The following LIMS1 variants were observed in gnomAD, a reference collection of about 807,000 sequenced individuals.
The protein encoded by LIMS1 is LIM and senescent cell antigen-like-containing domain protein 1.
Under a neutral mutation model 44.1 loss-of-function variants are expected in LIMS1, and 18 were observed. That is an observed-to-expected ratio of 0.41 (90% CI 0.28 to 0.61). The LOEUF (loss-of-function observed/expected upper bound fraction) is 0.61. LIMS1 is among the 20% of genes least tolerant of loss of function. LIMS1 has a pLI of 0.32. For synonymous variants in LIMS1, 93 were observed against 149.1 expected, an observed-to-expected ratio of 0.62 and a Z score of 2.74; for missense variants, 201 against 422.0, an observed-to-expected ratio of 0.48 and a Z score of 4.59.
At chr2:108,684,893 T>C (rs778858108) in exon 10 of LIMS1, 2 of 152,096 alleles carry the variant, frequency 1.3e-5, no homozygotes, top group Non-Finnish European at 2.9e-5. Context: ...TTTATAACCA[T>C]GCTAATATCT....
At chr2:108,573,660 C>G (rs1375072242) in intron 1 of LIMS1, among the ~76,000 whole-genome samples, 4 of 152,176 alleles carry the variant, frequency 2.6e-5, no homozygotes, top group South Asian at 2.1e-4. Context: ...AGACAGAACT[C>G]TCTGTCTTCA....
intron 8 of LIMS1, chr2:108,678,443 C>T (rs1305450665): frequency 9.2e-6 from 2 of 217,926 alleles, no homozygotes; most frequent in Non-Finnish European, 1.8e-5. Flanking sequence ...ACTTACCACC[C>T]TTGTACTGTG....
At position 108,667,547 on chromosome 2, in the gene LIMS1, A is replaced by T. The variant is rs1207743446; in HGVS notation, c.193-3234A>T. The stretch of plus-strand genomic sequence containing the variant: ...TATTTTCAACCTTTTTTAAAAAAAA[A>T]AAAAATATATATATATATATATACT... On this transcript the variant is annotated intron_variant, in intron 2 of 9. Transcript: ENST00000544547. Among the ~76,000 whole-genome samples, 598 of 72,474 alleles carry T rather than the reference A, an allele frequency of 8.3e-3. 3 individuals are homozygous for T. Among genetic ancestry groups the T allele is most frequent in the African/African-American group, 0.024 (531 of 21,908 alleles). 47.5% of individuals were successfully genotyped at this position (72,474 alleles called of 152,430 possible).
At chr2:108,619,016 A>G (rs1688088589) in intron 1 of LIMS1, among the ~76,000 whole-genome samples, 1 of 151,962 alleles carries the variant, frequency 6.6e-6, no homozygotes, top group African/African-American at 2.4e-5. Context: ...TGGCTTGGTA[A>G]CTGTCCCTGT....
intron 2 of LIMS1, among the ~76,000 whole-genome samples, chr2:108,666,836 C>G (rs1691793093): frequency 6.6e-6 from 1 of 151,708 alleles, no homozygotes; most frequent in South Asian, 2.1e-4. Flanking sequence ...AAGGATATTA[C>G]AAAGGATACA....
intron 1 of LIMS1, among the ~76,000 whole-genome samples, chr2:108,567,626 C>T (rs1279737948): frequency 1.3e-5 from 2 of 152,088 alleles, no homozygotes; most frequent in Admixed American, 1.3e-4. Flanking sequence ...GGCTGGAGTG[C>T]AATGTCGTGA....
intron 1 of LIMS1, chr2:108,621,426 T>G: frequency 6.4e-7 from 1 of 1,551,136 alleles, no homozygotes; most frequent in Non-Finnish European, 8.7e-7. Context: ...GCCCCGATAG[T>G]TTGAGAGTAA....
Position 108,676,231 on chromosome 2 carries a change from A to G in LIMS1, c.681+203A>G, listed in dbSNP as rs532024997. The stretch of plus-strand genomic sequence containing the variant: ...ATTGACTTTGCTGACAGCTAAGAAT[A>G]TATAATGTACACTGCTTTTGTGAAT... On this transcript the variant is annotated intron_variant, in intron 6 of 9. Coordinates refer to ENST00000544547, the Ensembl canonical transcript of LIMS1. Among the ~76,000 whole-genome samples the G allele has an allele frequency of 3.3e-5, 5 of 152,360 alleles. No homozygotes were observed. The East Asian group carries it at 9.6e-4, about 29-fold the overall frequency.
intron 1 of LIMS1, among the ~76,000 whole-genome samples, chr2:108,644,806 T>C (rs1374379101): frequency 2.6e-5 from 4 of 151,886 alleles, no homozygotes; most frequent in Non-Finnish European, 5.9e-5. Context: ...AGAACATAAA[T>C]GGTCTGATGG....
chr2:108,598,623 G>A (rs1686843066), intron 1 of LIMS1, among the ~76,000 whole-genome samples: 1 of 152,206 alleles, frequency 6.6e-6, no homozygotes, highest in East Asian at 1.9e-4. Flanking sequence ...GTGGGAATGA[G>A]GCCCTGGCCA....
intron 1 of LIMS1, among the ~76,000 whole-genome samples, chr2:108,576,117 GTATT>G (rs1264382753): frequency 3.3e-5 from 5 of 152,160 alleles, no homozygotes; most frequent in African/African-American, 1.2e-4. Context: ...TAAGGTTTTA[GTATT>G]TATGTATGTG....
chr2:108,607,355 A>G, intron 1 of LIMS1: 1 of 1,134,022 alleles, frequency 8.8e-7, no homozygotes, highest in South Asian at 1.3e-5. Flanking sequence ...CATCACATAA[A>G]TAGTACATGT....
chr2:108,562,798 A>G (rs1442697065), intron 1 of LIMS1, among the ~76,000 whole-genome samples: 1 of 152,240 alleles, frequency 6.6e-6, no homozygotes, highest in Non-Finnish European at 1.5e-5. Context: ...AGTGTAGACA[A>G]AATAGCCTTC....
chr2:108,599,532 T>G (rs11886192), intron 1 of LIMS1, among the ~76,000 whole-genome samples: 1,848 of 152,302 alleles, frequency 0.012, 43 homozygotes, highest in African/African-American at 0.043. Context: ...TTTCTTTAGT[T>G]TATATCCCCA....
At chr2:108,585,608 G>A (rs566177591) in intron 1 of LIMS1, among the ~76,000 whole-genome samples, 3 of 152,216 alleles carry the variant, frequency 2.0e-5, no homozygotes, top group Non-Finnish European at 4.4e-5. Flanking sequence ...GAGAATGTGC[G>A]CAATGAGAGG....
chr2:108,594,958 A>C (rs1686590397), intron 1 of LIMS1, among the ~76,000 whole-genome samples: 1 of 152,154 alleles, frequency 6.6e-6, no homozygotes. Flanking sequence ...GAAGTCATTG[A>C]GAGGAATTAT....
chr2:108,638,781 C>T (rs767106646), intron 1 of LIMS1, among the ~76,000 whole-genome samples: 15 of 152,060 alleles, frequency 9.9e-5, no homozygotes, highest in East Asian at 3.9e-4. Flanking sequence ...CGGTGGCTCA[C>T]GCCTGTAATC....
chr2:108,676,087 A>T (rs1692542130), intron 6 of LIMS1, 59 bp downstream of exon 6: 1 of 1,521,022 alleles, frequency 6.6e-7, no homozygotes, highest in Non-Finnish European at 8.8e-7. Flanking sequence ...TTAAGGGGTA[A>T]CCAATACTTT....
At chr2:108,553,198 A>G (rs1010220639) in intron 1 of LIMS1, among the ~76,000 whole-genome samples, 1 of 152,174 alleles carries the variant, frequency 6.6e-6, no homozygotes, top group African/African-American at 2.4e-5. Context: ...GTAGGGTTCA[A>G]GGTTTCCTTC....
Sources: allele counts gnomAD v4.1 joint callset (sites outside exome capture counted in the v4.1 genomes callset), GRCh38; gene constraint gnomAD v4.1.1; transcripts MANE v1.5; gene names NCBI Gene and HGNC (gene_info 2026-07-23, HGNC 2026-07-21).